Variants in NPAS3 observed in about 807,000 individuals in gnomAD.
NPAS3 encodes neuronal PAS domain-containing protein 3.
NPAS3 carries 14 observed loss-of-function variants against 73.1 expected under a neutral mutation model. The ratio of observed to expected loss-of-function variants is 0.19; its 90% confidence interval spans 0.13 to 0.30. The LOEUF (loss-of-function observed/expected upper bound fraction) is 0.30. NPAS3 is among the 10% of genes least tolerant of loss of function. The pLI, the probability that NPAS3 is intolerant of heterozygous loss-of-function variation, is 1.00. For missense variants in NPAS3, 1,096 were observed against 1,250.0 expected, an observed-to-expected ratio of 0.88 and a Z score of 1.86; for synonymous variants, 620 against 541.5, an observed-to-expected ratio of 1.14 and a Z score of -2.01.
At chr14:33,778,299 C>G (rs780026333) in intron 8 of NPAS3, among the ~76,000 whole-genome samples, 167 bp from the exon 9 acceptor site, 3 of 152,172 alleles carry the variant, frequency 2.0e-5, no homozygotes, top group South Asian at 2.1e-4. Flanking sequence ...AAGACTGTTA[C>G]GTGTTAAAGA....
intron 2 of NPAS3, among the ~76,000 whole-genome samples, chr14:33,154,666 G>A (rs927181220): frequency 5.3e-5 from 8 of 152,182 alleles, no homozygotes; most frequent in African/African-American, 1.4e-4. Flanking sequence ...TACATAATAT[G>A]CAATGACAGC....
intron 4 of NPAS3, among the ~76,000 whole-genome samples, chr14:33,427,477 G>T (rs981316301): frequency 3.3e-5 from 5 of 151,370 alleles, no homozygotes; most frequent in Admixed American, 1.3e-4. Flanking sequence ...AACATCTGTC[G>T]TCGACTTCTT....
chr14:33,714,156 A>G (rs980474628), intron 6 of NPAS3, among the ~76,000 whole-genome samples: 2 of 152,114 alleles, frequency 1.3e-5, no homozygotes, highest in African/African-American at 4.8e-5. Context: ...TTTTTTAAAA[A>G]GACTAAAAAA....
intron 4 of NPAS3, among the ~76,000 whole-genome samples, chr14:33,440,350 G>C (rs148052819): frequency 6.6e-6 from 1 of 152,216 alleles, no homozygotes; most frequent in Non-Finnish European, 1.5e-5. Flanking sequence ...TGGTGAGGGG[G>C]AAGCTGCAGT....
intron 3 of NPAS3, among the ~76,000 whole-genome samples, chr14:33,364,300 G>C (rs1403185340): frequency 6.6e-6 from 1 of 152,170 alleles, no homozygotes; most frequent in South Asian, 2.1e-4. Flanking sequence ...GTATTCTTTA[G>C]TTATCAGATT....
intron 1 of NPAS3, among the ~76,000 whole-genome samples, chr14:32,948,124 G>A (rs1287948503): frequency 6.6e-6 from 1 of 152,068 alleles, no homozygotes; most frequent in Non-Finnish European, 1.5e-5. Context: ...GCAGTTTTTA[G>A]TTTTTTCTTC....
intron 2 of NPAS3, among the ~76,000 whole-genome samples, chr14:33,183,253 C>G (rs2045859314): frequency 6.6e-6 from 1 of 151,896 alleles, no homozygotes; most frequent in African/African-American, 2.4e-5. Context: ...TGGTGAAACC[C>G]CGTCTCTACG....
chr14:33,112,735 C>G (rs1308962812), intron 2 of NPAS3, among the ~76,000 whole-genome samples: 1 of 152,108 alleles, frequency 6.6e-6, no homozygotes, highest in Non-Finnish European at 1.5e-5. Flanking sequence ...ACATGAAGTC[C>G]TTGCCCATGC....
At chr14:32,936,930 CTT>C (rs35877969), upstream of NPAS3, among the ~76,000 whole-genome samples, 524 of 139,762 alleles carry the variant, frequency 3.7e-3, 2 homozygotes, top group African/African-American at 0.01. Context: ...AAGACTAAGG[CTT>C]TTTTTTTTTT....
chr14:33,166,278 G>A (rs2045144236), intron 2 of NPAS3, among the ~76,000 whole-genome samples: 1 of 152,192 alleles, frequency 6.6e-6, no homozygotes, highest in South Asian at 2.1e-4. Context: ...TACCTGTTCT[G>A]TGGGCATCTT....
intron 2 of NPAS3, among the ~76,000 whole-genome samples, chr14:33,167,552 T>C (rs1187277549): frequency 6.6e-6 from 1 of 152,230 alleles, no homozygotes; most frequent in Non-Finnish European, 1.5e-5. Context: ...AAATGTTGTA[T>C]TCATTGAGTA....
At chr14:33,579,308 A>G (rs73270968) in intron 5 of NPAS3, among the ~76,000 whole-genome samples, 14,166 of 152,280 alleles carry the variant, frequency 0.093, 699 homozygotes, top group Middle Eastern at 0.17. Flanking sequence ...GCAGAAATCA[A>G]TCTCTACTGG....
chr14:33,225,390 CAA>C (rs2047591541), intron 3 of NPAS3, among the ~76,000 whole-genome samples: 1 of 152,142 alleles, frequency 6.6e-6, no homozygotes, highest in Non-Finnish European at 1.5e-5. Context: ...CAGTCTTGGT[CAA>C]AGAGTGCCTA....
chr14:33,453,990 CT>C (rs1313829152), intron 4 of NPAS3, among the ~76,000 whole-genome samples: 1 of 152,146 alleles, frequency 6.6e-6, no homozygotes, highest in Non-Finnish European at 1.5e-5. Context: ...ATGACCAGCC[CT>C]TTTTGTTTCC....
intron 6 of NPAS3, among the ~76,000 whole-genome samples, chr14:33,695,769 G>A (rs1190127813): frequency 2.0e-5 from 3 of 152,096 alleles, no homozygotes; most frequent in Admixed American, 2.0e-4. Context: ...ACAAAAGAAA[G>A]AACAAATAAA....
At chr14:33,785,827 A>G (rs1444141748) in intron 9 of NPAS3, among the ~76,000 whole-genome samples, 1 of 152,178 alleles carries the variant, frequency 6.6e-6, no homozygotes, top group Admixed American at 6.5e-5. Context: ...AAATCCCAGT[A>G]AAAATGACTT....
At chr14:33,004,746 G>A (rs558035297) in intron 1 of NPAS3, among the ~76,000 whole-genome samples, 255 of 141,030 alleles carry the variant, frequency 1.8e-3, no homozygotes, top group Admixed American at 3.4e-3. Context: ...TAAATACATT[G>A]TACAGGTATA....
intron 1 of NPAS3, among the ~76,000 whole-genome samples, chr14:33,038,551 A>G (rs1004871998): frequency 4.6e-5 from 7 of 152,132 alleles, no homozygotes; most frequent in African/African-American, 1.7e-4. Context: ...ATATATATAT[A>G]TAAAATGATA....
chr14:33,023,092 TA>T (rs112241099), intron 1 of NPAS3, among the ~76,000 whole-genome samples: 9,035 of 148,472 alleles, frequency 0.061, 306 homozygotes, highest in Middle Eastern at 0.07. Flanking sequence ...AACACAAATT[TA>T]AAAAAAAAAG....
Sources: allele counts gnomAD v4.1 joint callset (sites outside exome capture counted in the v4.1 genomes callset), GRCh38; gene constraint gnomAD v4.1.1; transcripts MANE v1.5; gene names NCBI Gene and HGNC (gene_info 2026-07-23, HGNC 2026-07-21).